The following PCDH9 variants were observed in gnomAD, a reference collection of about 807,000 sequenced individuals.
PCDH9 encodes protocadherin-9.
PCDH9 carries 24 observed loss-of-function variants against 70.6 expected under a neutral mutation model. The observed-to-expected ratio is 0.34, with a 90% CI of 0.25 to 0.48. The LOEUF (loss-of-function observed/expected upper bound fraction) is 0.48, where lower values mean the gene tolerates loss of function less well. Among genes scored for constraint, PCDH9 ranks in the 20% least tolerant of loss-of-function variants. The pLI is 0.99. For missense variants in PCDH9, 1,281 were observed against 1,503.6 expected (o/e 0.85, Z 2.45); for synonymous variants, 562 against 558.5 (o/e 1.01, Z -0.09).
chr13:66,490,154 T>C (rs1959009844), intron 4 of PCDH9, among the ~76,000 whole-genome samples: 1 of 152,226 alleles, frequency 6.6e-6, no homozygotes, highest in African/African-American at 2.4e-5. Flanking sequence ...TATTCTCTTT[T>C]CTGACTTCTC....
intron 2 of PCDH9, among the ~76,000 whole-genome samples, chr13:67,088,112 T>A (rs556333560): frequency 1.7e-4 from 26 of 152,076 alleles, no homozygotes; most frequent in African/African-American, 6.0e-4. Context: ...TTTTTTTTTT[T>A]TTATTCCCTG....
intron 4 of PCDH9, among the ~76,000 whole-genome samples, chr13:66,490,787 C>A (rs2138532331): frequency 6.6e-6 from 1 of 152,114 alleles, no homozygotes; most frequent in East Asian, 1.9e-4. Context: ...ATGAGCAAAG[C>A]TAAACAATTA....
chr13:66,859,986 G>A (rs1222024252), intron 3 of PCDH9, among the ~76,000 whole-genome samples: 5 of 152,104 alleles, frequency 3.3e-5, no homozygotes, highest in African/African-American at 4.8e-5. Context: ...TTTTTAGGTC[G>A]TTAGTCAGTC....
chr13:66,591,480 A>T (rs942698800), intron 4 of PCDH9, among the ~76,000 whole-genome samples: 7 of 151,650 alleles, frequency 4.6e-5, no homozygotes, highest in Admixed American at 1.3e-4. Context: ...AAACAAAAAA[A>T]AAAGCTAAGA....
At chr13:67,168,554 C>T (rs2088186886) in intron 2 of PCDH9, among the ~76,000 whole-genome samples, 2 of 150,574 alleles carry the variant, frequency 1.3e-5, no homozygotes, top group Admixed American at 6.7e-5. Flanking sequence ...TAGTGAGACC[C>T]CATTTCTACA....
chr13:66,357,769 C>G (rs1433849460), intron 4 of PCDH9, among the ~76,000 whole-genome samples: 2 of 152,042 alleles, frequency 1.3e-5, no homozygotes, highest in Admixed American at 1.3e-4. Flanking sequence ...TGTGTGTGCT[C>G]TCACAATAAG....
At position 67,135,115 on chromosome 13, in the gene PCDH9, A is replaced by C. The variant is rs534878387; in HGVS notation, c.3036+90290T>G. On this transcript the variant is annotated intron_variant, in intron 2 of 4. Transcript: ENST00000377865. Reference sequence around the variant, plus strand: ...GATACCATTATTTATACAACTTACTATGATTTCCTACCATTAAAAAGTTTT... The same window carrying C: ...GATACCATTATTTATACAACTTACTCTGATTTCCTACCATTAAAAAGTTTT... 5.3e-5 allele frequency among the ~76,000 whole-genome samples: 8 copies of C among 152,258 alleles called. No individual in the cohort carries two copies. The East Asian group carries it at 1.5e-3, about 29-fold the overall frequency.
chr13:66,877,848 T>G (rs2081846174), intron 3 of PCDH9, among the ~76,000 whole-genome samples: 1 of 152,206 alleles, frequency 6.6e-6, no homozygotes, highest in Admixed American at 6.5e-5. Flanking sequence ...TGTATTCTTT[T>G]GAACTCAGTA....
At chr13:66,324,107 A>G (rs1484671632) in intron 4 of PCDH9, among the ~76,000 whole-genome samples, 1 of 152,028 alleles carries the variant, frequency 6.6e-6, no homozygotes, top group Non-Finnish European at 1.5e-5. Flanking sequence ...CTAAAGGAAG[A>G]CTATTAGAGA....
chr13:66,326,851 A>G (rs1444570735), intron 4 of PCDH9, among the ~76,000 whole-genome samples: 3 of 152,212 alleles, frequency 2.0e-5, no homozygotes, highest in African/African-American at 7.2e-5. Context: ...AAACTATTAA[A>G]CATACAAAAC....
At chr13:67,088,056 T>C (rs188206929) in intron 2 of PCDH9, among the ~76,000 whole-genome samples, 1 of 152,040 alleles carries the variant, frequency 6.6e-6, no homozygotes, top group African/African-American at 2.4e-5. Flanking sequence ...GAATTGCGGC[T>C]ACTCTGCAAT....
intron 2 of PCDH9, among the ~76,000 whole-genome samples, chr13:66,973,555 T>C (rs1183899549): frequency 4.6e-5 from 7 of 151,966 alleles, no homozygotes; most frequent in African/African-American, 7.2e-5. Context: ...TTTGATCATG[T>C]ACATGAATCA....
intron 2 of PCDH9, among the ~76,000 whole-genome samples, chr13:66,970,638 A>G (rs1055679107): frequency 2.5e-4 from 7 of 28,302 alleles, no homozygotes; most frequent in Middle Eastern, 0.022. Context: ...AAAAAAAAAA[A>G]AAAAGCAAAA....
chr13:66,935,523 AAAT>A (rs2082901809), intron 2 of PCDH9, among the ~76,000 whole-genome samples: 1 of 152,208 alleles, frequency 6.6e-6, no homozygotes, highest in Non-Finnish European at 1.5e-5. Flanking sequence ...AAATTGAAGA[AAAT>A]AAGCTCTACC....
chr13:67,176,452 T>G (rs1255378597), intron 2 of PCDH9, among the ~76,000 whole-genome samples: 1 of 152,076 alleles, frequency 6.6e-6, no homozygotes, highest in Non-Finnish European at 1.5e-5. Context: ...TTAAGGTTTC[T>G]GGCTAAAATC....
intron 3 of PCDH9, among the ~76,000 whole-genome samples, chr13:66,638,967 T>C (rs2077675319): frequency 6.6e-6 from 1 of 152,204 alleles, no homozygotes; most frequent in Non-Finnish European, 1.5e-5. Flanking sequence ...AAGGTTCAGT[T>C]TGTGTTTGAG....
intron 4 of PCDH9, among the ~76,000 whole-genome samples, chr13:66,540,191 T>C (rs189578993): frequency 3.8e-4 from 58 of 152,190 alleles, no homozygotes; most frequent in African/African-American, 1.4e-3. Flanking sequence ...AGAATATTAA[T>C]GACTGATTCC....
intron 2 of PCDH9, among the ~76,000 whole-genome samples, chr13:66,961,858 C>A (rs1422126083): frequency 6.6e-6 from 1 of 152,002 alleles, no homozygotes; most frequent in East Asian, 1.9e-4. Context: ...TGAGACCAGC[C>A]TGACCAACAT....
At chr13:66,701,215 A>G (rs1320481984) in intron 3 of PCDH9, among the ~76,000 whole-genome samples, 5 of 151,564 alleles carry the variant, frequency 3.3e-5, no homozygotes, top group Non-Finnish European at 7.4e-5. Flanking sequence ...GGATGCTTTC[A>G]TTTTGCCCAG....
Sources: allele counts gnomAD v4.1 joint callset (sites outside exome capture counted in the v4.1 genomes callset), GRCh38; gene constraint gnomAD v4.1.1; transcripts MANE v1.5; gene names NCBI Gene and HGNC (gene_info 2026-07-23, HGNC 2026-07-21).